SLC4A4: variants seen among roughly 807,000 people sequenced by gnomAD.
SLC4A4 encodes the protein solute carrier family 4 member 4.
A neutral mutation model predicts 111.5 loss-of-function variants in SLC4A4; 27 were observed. The ratio of observed to expected loss-of-function variants is 0.24; its 90% confidence interval spans 0.18 to 0.33. The LOEUF is 0.33. Ranked by LOEUF, SLC4A4 falls within the 10% of genes least tolerant of loss-of-function variation. SLC4A4 has a pLI of 1.00. For synonymous variants in SLC4A4, 443 were observed against 463.4 expected (o/e 0.96, Z 0.57); for missense variants, 909 against 1,315.5 (o/e 0.69, Z 4.78).
At chr4:71,275,707 A>G (rs750739686) in intron 3 of SLC4A4, among the ~76,000 whole-genome samples, 6 of 152,258 alleles carry the variant, frequency 3.9e-5, no homozygotes, top group Non-Finnish European at 5.9e-5. Flanking sequence ...TGGCACAAAC[A>G]GTTAACTTAG....
intron 3 of SLC4A4, among the ~76,000 whole-genome samples, chr4:71,285,377 G>A (rs1049049221): frequency 2.0e-5 from 3 of 152,132 alleles, no homozygotes; most frequent in Non-Finnish European, 4.4e-5. Flanking sequence ...TCTGTGTGGC[G>A]ATTACCCCCA....
chr4:71,374,417 C>T (rs983536946), intron 6 of SLC4A4, among the ~76,000 whole-genome samples: 1 of 152,132 alleles, frequency 6.6e-6, no homozygotes, highest in African/African-American at 2.4e-5. Context: ...TTTCAGCAAC[C>T]TGATGTCTAT....
intron 6 of SLC4A4, among the ~76,000 whole-genome samples, chr4:71,367,481 A>G (rs1170937810): frequency 6.6e-6 from 1 of 152,180 alleles, no homozygotes; most frequent in Non-Finnish European, 1.5e-5. Context: ...CATTTAATTT[A>G]GCTAAGCCTG....
Position 71,472,822 on chromosome 4 carries a change from G to A in SLC4A4, c.1755G>A (p.Glu585=). 1 of 1,612,886 alleles carries A rather than the reference G, an allele frequency of 6.2e-7. No individual in the cohort carries two copies. Among genetic ancestry groups the A allele is most frequent in the Non-Finnish European group, 8.5e-7 (1 of 1,179,372 alleles). ...TTCAATACTTCACACGTTTCACGGAGGAGGGCTTTTCCTCTCTGATTAGCT... is the reference window on the plus strand; with the variant it reads ...TTCAATACTTCACACGTTTCACGGAAGAGGGCTTTTCCTCTCTGATTAGCT... ...FLVQYFTRFT[E]EGFSSLISFI... Residue 585 remains glutamate, a synonymous_variant, in exon 14 of 26, where the codon GAG becomes GAA. Transcript: ENST00000264485.
chr4:71,276,225 A>T (rs1723056588), intron 3 of SLC4A4, among the ~76,000 whole-genome samples: 2 of 152,266 alleles, frequency 1.3e-5, no homozygotes, highest in South Asian at 4.1e-4. Context: ...TGTATCCTTC[A>T]GTCCATTTCC....
rs72853209 is a variant in SLC4A4 at position 71,447,513 on chromosome 4, A to T, written c.966-133A>T. On this transcript the variant is annotated intron_variant, in intron 8 of 25. Coordinates refer to ENST00000264485, the MANE Select transcript of SLC4A4 (RefSeq NM_001098484.3). ...GAGTATATTCTGTACTACCAATAAT[A>T]TATTACCTTTGTTTTAAAGGTGAAT... is the stretch of plus-strand genomic sequence containing the variant. The T allele has an allele frequency of 0.012, 8,142 of 705,954 alleles. 489 individuals carry two copies. The African/African-American group carries it at 0.13, about 11-fold the overall frequency. The allele number at this position is 705,954 out of a possible 1,614,324, so 43.7% of individuals were successfully genotyped here. A position where few individuals can be genotyped will look rare whatever the true frequency, so the allele number is the denominator to read the frequency against.
At chr4:71,340,168 G>C (rs1189570265) in intron 4 of SLC4A4, among the ~76,000 whole-genome samples, 6 of 152,122 alleles carry the variant, frequency 3.9e-5, no homozygotes, top group Non-Finnish European at 7.3e-5. Context: ...AGGCTGCAGT[G>C]ATCTCTGATC....
At chr4:71,083,133 G>A (rs1000626808) in intron 1 of SLC4A4, among the ~76,000 whole-genome samples, 9 of 151,996 alleles carry the variant, frequency 5.9e-5, no homozygotes, top group African/African-American at 1.2e-4. Flanking sequence ...GATTGCAGGC[G>A]TGAGCCACCA....
chr4:71,257,310 T>C (rs1164346740), intron 3 of SLC4A4, among the ~76,000 whole-genome samples: 1 of 152,224 alleles, frequency 6.6e-6, no homozygotes, highest in Admixed American at 6.5e-5. Flanking sequence ...TGTTCAGTGA[T>C]CATAAAAAAA....
chr4:71,451,826 T>G (rs1725789183), intron 11 of SLC4A4, among the ~76,000 whole-genome samples: 1 of 152,144 alleles, frequency 6.6e-6, no homozygotes, highest in Admixed American at 6.6e-5. Context: ...GACTGACAGA[T>G]GTACCAGCCT....
At position 71,172,142 on chromosome 4, in the gene SLC4A4, C is replaced by G. The variant is rs530333460; in HGVS notation, c.-1-64434C>G. On this transcript the variant is annotated intron_variant, in intron 2 of 26. Coordinates refer to the SLC4A4 transcript ENST00000649996. ...TCCTTGGATCAAAGTTACTTAAACA[C>G]TTAGATGAAAGCTTGAGAGGAAAGG... is the stretch of plus-strand genomic sequence containing the variant. Among the ~76,000 whole-genome samples, 6 of 152,264 alleles carry G rather than the reference C, an allele frequency of 3.9e-5. No homozygotes were observed. In the East Asian group the frequency reaches 1.2e-3, roughly 29 times the overall value.
intron 13 of SLC4A4, among the ~76,000 whole-genome samples, chr4:71,467,563 C>A (rs1295465055): frequency 6.6e-6 from 1 of 152,026 alleles, no homozygotes; most frequent in African/African-American, 2.4e-5. Flanking sequence ...CACAAGTCAT[C>A]GGTGGGGCTG....
intron 2 of SLC4A4, among the ~76,000 whole-genome samples, chr4:71,123,238 T>C (rs1319366427): frequency 6.6e-6 from 1 of 152,154 alleles, no homozygotes; most frequent in Non-Finnish European, 1.5e-5. Flanking sequence ...GAGCTAACTA[T>C]GGCAGATTTC....
intron 1 of SLC4A4, among the ~76,000 whole-genome samples, chr4:71,194,053 A>G (rs1745875242): frequency 6.6e-6 from 1 of 152,252 alleles, no homozygotes; most frequent in East Asian, 1.9e-4. Context: ...AATGCTTTAC[A>G]TAAAAGTAGA....
At chr4:71,513,153 ATTTTTT>A (rs201869129) in intron 16 of SLC4A4, among the ~76,000 whole-genome samples, 1 of 151,234 alleles carries the variant, frequency 6.6e-6, no homozygotes, top group African/African-American at 2.4e-5. Context: ...ATTAAATAGG[ATTTTTT>A]TTTCTAATTC....
chr4:71,299,558 C>T (rs1020767597), intron 3 of SLC4A4, among the ~76,000 whole-genome samples: 2 of 152,132 alleles, frequency 1.3e-5, no homozygotes, highest in Non-Finnish European at 1.5e-5. Context: ...TCAGAGAGGT[C>T]AGGAGTGTAG....
At chr4:71,101,404 C>T (rs758148018) in intron 2 of SLC4A4, among the ~76,000 whole-genome samples, 14 of 152,222 alleles carry the variant, frequency 9.2e-5, no homozygotes, top group Non-Finnish European at 1.8e-4. Context: ...ACATTCTTCA[C>T]ATCTTAATAG....
chr4:71,163,480 A>G (rs1449764243), intron 2 of SLC4A4, among the ~76,000 whole-genome samples: 1 of 152,170 alleles, frequency 6.6e-6, no homozygotes, highest in African/African-American at 2.4e-5. Flanking sequence ...TTGCATTCCA[A>G]TCATTGATGT....
intron 3 of SLC4A4, among the ~76,000 whole-genome samples, chr4:71,265,780 G>T (rs1163508395): frequency 1.3e-5 from 2 of 151,948 alleles, no homozygotes; most frequent in African/African-American, 4.8e-5. Flanking sequence ...ACCTCTTTGT[G>T]TTGGTTTTAG....
Sources: gnomAD v4.1 joint callset for allele counts (sites outside exome capture counted in the v4.1 genomes callset) on GRCh38, gnomAD v4.1.1 for gene constraint, MANE v1.5 for transcripts, NCBI Gene and HGNC (gene_info 2026-07-23, HGNC 2026-07-21) for gene names.